AXIN1: variants seen among roughly 807,000 people sequenced by gnomAD.
The protein encoded by AXIN1 is axin 1, also known as axin-1.
A neutral mutation model predicts 76.4 loss-of-function variants in AXIN1; 30 were observed. The ratio of observed to expected loss-of-function variants is 0.39; its 90% CI spans 0.29 to 0.53. The LOEUF (loss-of-function observed/expected upper bound fraction) is 0.53. AXIN1 is among the 20% of genes least tolerant of loss of function. AXIN1 has a pLI of 0.66. For missense variants in AXIN1, 1,140 were observed against 1,198.8 expected, an observed-to-expected ratio of 0.95 and a Z score of 0.72; for synonymous variants, 545 against 501.4, an observed-to-expected ratio of 1.09 and a Z score of -1.16.
rs2054168189 is a variant in AXIN1, at chr16:352,508, G to C, written c.-221C>G. On this transcript the variant is annotated 5_prime_UTR_variant, in exon 1 of 11. Coordinates refer to ENST00000262320, the MANE Select transcript of AXIN1 (RefSeq NM_003502.4). ...GGGCGGCCCCCATCTCGGCGGCTGC[G>C]GCTCGGCGGCCCGGAGGCGGACGCG... 1.2e-6 allele frequency: 1 copy of C among 812,900 alleles called. No individual in the cohort carries two copies. The highest frequency in any genetic ancestry group is 5.5e-5 in the South Asian group (1 of 18,160). 50.4% of individuals were successfully genotyped at this position (812,900 alleles called of 1,614,324 possible). A position where few individuals can be genotyped will look rare whatever the true frequency, so the allele number is the denominator to read the frequency against.
Position 346,999 on chromosome 16 carries a change from G to C in AXIN1, c.27C>G (p.Pro9=), listed in dbSNP as rs1317325059. 6.2e-7 allele frequency: 1 copy of C among 1,614,214 alleles called. No homozygotes were observed. Among genetic ancestry groups the C allele is most frequent in the Non-Finnish European group, 8.5e-7 (1 of 1,180,042 alleles). The part of the protein sequence containing the change: MNIQEQGF[P]LDLGASFTED... ...CGGTGAAACTTGCTCCGAGGTCCAA[G>C]GGGAAACCCTGCTCTTGGATATTCA... Residue 9 remains proline (P), a synonymous_variant, in exon 2 of 11, where the codon CCC becomes CCG. Coordinates refer to ENST00000262320, the MANE Select transcript of AXIN1 (RefSeq NM_003502.4).
intron 7 of AXIN1, among the ~76,000 whole-genome samples, chr16:295,099 T>C (rs1425015517): frequency 6.6e-6 from 1 of 150,960 alleles, no homozygotes; most frequent in African/African-American, 2.4e-5. Flanking sequence ...ATGGAGACTT[T>C]TTTTTTTTCT....
intron 3 of AXIN1, among the ~76,000 whole-genome samples, chr16:313,174 G>A (rs867612115): frequency 2.6e-5 from 4 of 152,192 alleles, no homozygotes; most frequent in Admixed American, 1.3e-4. Context: ...GCGTGGTGGC[G>A]CACGCTTGTA....
In AXIN1 at chr16:293,802, C is replaced by G. The variant is rs2052634874; in HGVS notation, c.1956-84G>C. ...TGGGGCTACACTCATCTCACAAGGG[C>G]AGCCTCCTTGAGGGATAGGATGGGA... On this transcript the variant is annotated intron_variant, in intron 7 of 10. Coordinates refer to ENST00000262320, the MANE Select transcript of AXIN1 (RefSeq NM_003502.4). The surrounding 1 kb of genome is among the most constrained non-coding windows in gnomAD (Gnocchi z 4.6). 1 of 1,374,396 alleles carries G rather than the reference C, an allele frequency of 7.3e-7. No homozygotes were observed. The highest frequency in any genetic ancestry group is 1.4e-5 in the African/African-American group (1 of 70,384). 85.1% of individuals were successfully genotyped at this position (1,374,396 alleles called of 1,614,324 possible).
rs902421788 is a variant in AXIN1, at chr16:293,386, GC to G, written c.2186+101del. 24 of 1,182,638 alleles carry G rather than the reference GC, an allele frequency of 2.0e-5. No individual in the cohort carries two copies. The highest frequency in any genetic ancestry group is 3.0e-5 in the African/African-American group (2 of 66,034). The allele number at this position is 1,182,638 out of a possible 1,614,324, so 73.3% of individuals were successfully genotyped here. A position where few individuals can be genotyped will look rare whatever the true frequency, so the allele number is the denominator to read the frequency against. ...AGTATGGCTGGGGGACACCCAGAGG[GC>G]CGTTTTTCCCCTGAAGACCTCAGGC... On this transcript the variant is annotated intron_variant, in intron 8 of 10. Coordinates refer to ENST00000262320, the MANE Select transcript of AXIN1 (RefSeq NM_003502.4). The surrounding 1 kb of genome is among the most constrained non-coding windows in gnomAD (Gnocchi z 4.6).
At chr16:291,052 G>A (rs1025324803) in intron 9 of AXIN1, 138 bp downstream of exon 9, 3 of 799,322 alleles carry the variant, frequency 3.8e-6, no homozygotes, top group Non-Finnish European at 2.1e-6. Flanking sequence ...TGATGCCACG[G>A]GACCCTCTCC....
chr16:311,860 T>C (rs1370980532), intron 3 of AXIN1, among the ~76,000 whole-genome samples: 1 of 152,110 alleles, frequency 6.6e-6, no homozygotes, highest in Non-Finnish European at 1.5e-5. Context: ...CTCTCAGAGC[T>C]GCCAGGAGAC....
In AXIN1 at chr16:306,174, C is replaced by T. The variant is rs185365174; in HGVS notation, c.1117-1733G>A. Among the ~76,000 whole-genome samples the T allele has an allele frequency of 3.5e-4, 53 of 152,186 alleles. 1 individual carries two copies. The East Asian group carries it at 9.8e-3, about 28-fold the overall frequency. On this transcript the variant is annotated intron_variant, in intron 4 of 10. Transcript: ENST00000262320. Reference sequence around the variant, plus strand: ...ACACACACCCACACACACGTACACACACACGCACACACACAGGCACGCTCA... The same window carrying T: ...ACACACACCCACACACACGTACACATACACGCACACACACAGGCACGCTCA...
intron 1 of AXIN1, 26 bp from the exon 2 acceptor site, chr16:347,132 G>A: frequency 6.3e-7 from 1 of 1,590,992 alleles, no homozygotes. Context: ...AGAGGACAAG[G>A]ATTAGGAAAG....
At chr16:302,824 C>G (rs1356857782) in intron 5 of AXIN1, among the ~76,000 whole-genome samples, 2 of 152,282 alleles carry the variant, frequency 1.3e-5, no homozygotes, top group African/African-American at 4.8e-5. Context: ...AGGACCACCC[C>G]CCGACTCGAT....
chr16:337,765 C>T (rs539650784), intron 2 of AXIN1, among the ~76,000 whole-genome samples: 4 of 152,354 alleles, frequency 2.6e-5, no homozygotes, highest in South Asian at 4.1e-4. Context: ...CGTTCAACTC[C>T]GGACAGGGCC....
intron 2 of AXIN1, among the ~76,000 whole-genome samples, chr16:321,385 G>A (rs575947790): frequency 4.6e-5 from 7 of 152,218 alleles, no homozygotes; most frequent in Non-Finnish European, 8.8e-5. Flanking sequence ...TGCATAGCAC[G>A]TGCCCCACCC....
intron 7 of AXIN1, among the ~76,000 whole-genome samples, chr16:296,624 A>G (rs1159139330): frequency 6.6e-6 from 1 of 152,194 alleles, no homozygotes; most frequent in Non-Finnish European, 1.5e-5. Flanking sequence ...CTCACGCTAC[A>G]CAAGAGCCTT....
intron 2 of AXIN1, among the ~76,000 whole-genome samples, chr16:339,543 A>G (rs1456297851): frequency 3.3e-5 from 5 of 150,788 alleles, no homozygotes; most frequent in Non-Finnish European, 7.4e-5. Flanking sequence ...TTAGCCAGGC[A>G]TGGCGGCAGG....
At chr16:321,938 A>G (rs995582067) in intron 2 of AXIN1, among the ~76,000 whole-genome samples, 1 of 152,202 alleles carries the variant, frequency 6.6e-6, no homozygotes, top group Non-Finnish European at 1.5e-5. Context: ...TAAGTTAGAG[A>G]CCAGCTGTAT....
chr16:287,960 A>AG lies in AXIN1; in HGVS notation c.*161dup, dbSNP rs2052430511. The AG allele has an allele frequency of 8.3e-7, 1 of 1,200,894 alleles. No homozygotes were observed. The highest frequency in any genetic ancestry group is 1.5e-5 in the African/African-American group (1 of 66,872). The allele number at this position is 1,200,894 out of a possible 1,614,324, so 74.4% of individuals were successfully genotyped here. A position where few individuals can be genotyped will look rare whatever the true frequency, so the allele number is the denominator to read the frequency against. ...GGACAGAAGCTTGTGGACCACTTGGAGGGACCCCCTACCTGCCTCTAGACA... is the reference window on the plus strand; with the variant it reads ...GGACAGAAGCTTGTGGACCACTTGGAGGGGACCCCCTACCTGCCTCTAGACA... On this transcript the variant is annotated 3_prime_UTR_variant, in exon 11 of 11. Coordinates refer to ENST00000262320, the MANE Select transcript of AXIN1 (RefSeq NM_003502.4).
At chr16:311,713 G>A (rs534121619) in intron 3 of AXIN1, among the ~76,000 whole-genome samples, 1 of 152,296 alleles carries the variant, frequency 6.6e-6, no homozygotes, top group East Asian at 1.9e-4. Flanking sequence ...GGAGGTTGCA[G>A]TGAGGCGAGA....
intron 4 of AXIN1, among the ~76,000 whole-genome samples, chr16:307,551 T>C (rs1248179735): frequency 6.6e-6 from 1 of 152,128 alleles, no homozygotes; most frequent in Non-Finnish European, 1.5e-5. Flanking sequence ...GAAGACAATT[T>C]TTCCATGGAC....
At position 346,690 on chromosome 16, in the gene AXIN1, G is replaced by A. The variant is rs768855246; in HGVS notation, c.336C>T (p.Ala112=). Residue 112 remains alanine, a synonymous_variant, in exon 2 of 11, where the codon GCC becomes GCT. Coordinates refer to ENST00000262320, the MANE Select transcript of AXIN1 (RefSeq NM_003502.4). The stretch of plus-strand genomic sequence containing the variant: ...AGGCAAACCAGAAGTCCAGCAAGTC[G>A]GCACAGCCCTCCTGCTTCAGGAAAG... The part of the protein sequence containing the change: ...FRTFLKQEGC[A]DLLDFWFACT... 24 of 1,568,356 alleles carry A rather than the reference G, an allele frequency of 1.5e-5. No individual in the cohort carries two copies. The highest frequency in any genetic ancestry group is 2.4e-5 in the South Asian group (2 of 82,834).
Sources: gnomAD v4.1 joint callset for allele counts (sites outside exome capture counted in the v4.1 genomes callset) on GRCh38, gnomAD v4.1.1 for gene constraint, Gnocchi (gnomAD v3.1) non-coding constraint, MANE v1.5 for transcripts, NCBI Gene and HGNC (gene_info 2026-07-23, HGNC 2026-07-21) for gene names.